The following MTMR3 variants were observed in gnomAD, a reference collection of about 807,000 sequenced individuals.
MTMR3 encodes myotubularin related protein 3, also known as phosphatidylinositol-3,5-bisphosphate 3-phosphatase MTMR3.
MTMR3 carries 32 observed loss-of-function variants against 132.4 expected under a neutral mutation model. That is an observed-to-expected ratio of 0.24 (90% CI 0.18 to 0.32). The LOEUF is 0.32. Among genes scored for constraint, MTMR3 ranks in the 10% least tolerant of loss-of-function variants. The probability of loss-of-function intolerance (pLI) is 1.00; values close to 1 mark genes in which losing one functional copy is unlikely to be tolerated. For synonymous variants in MTMR3, 556 were observed against 550.3 expected, an observed-to-expected ratio of 1.01 and a Z score of -0.14; for missense variants, 1,216 against 1,489.6, an observed-to-expected ratio of 0.82 and a Z score of 3.02.
intron 1 of MTMR3, among the ~76,000 whole-genome samples, chr22:29,923,837 A>G (rs1247325031): frequency 2.0e-5 from 3 of 152,160 alleles, no homozygotes; most frequent in African/African-American, 7.2e-5. Context: ...TAGGGTTTCA[A>G]CATTTCAATT....
rs375748596 is a variant in MTMR3 at position 30,022,731 on chromosome 22, G to T, written c.3425+34G>T. On this transcript the variant is annotated intron_variant, in intron 19 of 19. Coordinates refer to ENST00000401950, the MANE Select transcript of MTMR3 (RefSeq NM_021090.4). ...GAGGGGCTGTGGTAGGGTGGGCTGT[G>T]TGTGGAGGTTGAGGGTCGGCCCACA... 415 of 1,577,718 alleles carry T rather than the reference G, an allele frequency of 2.6e-4. 1 individual carries two copies. Among genetic ancestry groups the T allele is most frequent in the Non-Finnish European group, 1.2e-4 (142 of 1,160,450 alleles).
At chr22:29,947,539 CTGAGT>C (rs1661687637) in intron 1 of MTMR3, among the ~76,000 whole-genome samples, 1 of 149,170 alleles carries the variant, frequency 6.7e-6, no homozygotes, top group South Asian at 2.1e-4. Flanking sequence ...TCCCAGTTTT[CTGAGT>C]TAAGTAAAAT....
chr22:29,948,075 A>C (rs2065985364), intron 1 of MTMR3, among the ~76,000 whole-genome samples: 1 of 152,192 alleles, frequency 6.6e-6, no homozygotes, highest in Non-Finnish European at 1.5e-5. Flanking sequence ...AATTTTAACT[A>C]GGCCAGTAGA....
chr22:29,902,707 T>G (rs1483495185), intron 1 of MTMR3, among the ~76,000 whole-genome samples: 1 of 152,080 alleles, frequency 6.6e-6, no homozygotes, highest in East Asian at 1.9e-4. Flanking sequence ...TGGGAAAAAT[T>G]TTAGCACTAC....
Position 30,028,190 on chromosome 22 carries a change from T to G in MTMR3, c.*2389T>G, listed in dbSNP as rs1256130657. ...TACCTCTCGCCTCAAGGCTCCATTTTTAGCTGCTGCTCTGATTTCAGGGCA... is the reference window on the plus strand; with the variant it reads ...TACCTCTCGCCTCAAGGCTCCATTTGTAGCTGCTGCTCTGATTTCAGGGCA... On this transcript the variant is annotated 3_prime_UTR_variant, in exon 20 of 20. Transcript: ENST00000401950. 1 of 152,404 alleles carries G rather than the reference T, an allele frequency of 6.6e-6. No individual in the cohort carries two copies. Among genetic ancestry groups the G allele is most frequent in the Non-Finnish European group, 1.5e-5 (1 of 68,050 alleles). The allele number at this position is 152,404 out of a possible 1,614,324, so 9.4% of individuals were successfully genotyped here. A position where few individuals can be genotyped will look rare whatever the true frequency, so the allele number is the denominator to read the frequency against.
intron 1 of MTMR3, among the ~76,000 whole-genome samples, chr22:29,895,256 A>G (rs903608052): frequency 5.3e-5 from 8 of 152,184 alleles, no homozygotes; most frequent in Admixed American, 3.9e-4. Flanking sequence ...AGGTACTGTT[A>G]GGTGGGTGCA....
intron 1 of MTMR3, among the ~76,000 whole-genome samples, chr22:29,909,598 G>A (rs1341157858): frequency 6.6e-6 from 1 of 152,124 alleles, no homozygotes; most frequent in African/African-American, 2.4e-5. Context: ...AAATGGTGAA[G>A]CACTTAAAAG....
In MTMR3 at chr22:30,019,791, G is replaced by A; in HGVS notation, c.2132G>A (p.Gly711Asp). ...GTAGAGGAACCTGCCCACAGGGCAG[G>A]CATTGAGATACAGGAGGGTAAAGAG... ...SGVEEPAHRAGIEIQEGKEDP... is the reference protein window; with the variant it reads ...SGVEEPAHRADIEIQEGKEDP... The change falls in exon 17 of 20, where the codon GGC (glycine) becomes GAC (aspartate). Residue 711 changes from glycine (G) to aspartate (D), a missense_variant. By Grantham distance (94) the Gly-to-Asp change is moderately conservative. This residue lies in a region of MTMR3 where 852 missense variants were observed against 852.0 expected (regional missense o/e 1.00). Transcript: ENST00000401950. The A allele has an allele frequency of 6.2e-7, 1 of 1,614,228 alleles. No homozygotes were observed.
At chr22:29,997,594 A>G (rs939545094) in intron 7 of MTMR3, 3 of 152,228 alleles carry the variant, frequency 2.0e-5, no homozygotes, top group African/African-American at 7.2e-5. Context: ...AAGGAAGATA[A>G]AGCCAGATTC....
intron 1 of MTMR3, among the ~76,000 whole-genome samples, chr22:29,915,731 T>C (rs1325313734): frequency 6.6e-6 from 1 of 152,198 alleles, no homozygotes; most frequent in African/African-American, 2.4e-5. Flanking sequence ...GCTGACAGTC[T>C]CCTTTTAATT....
chr22:29,940,747 T>A (rs1937143063), intron 1 of MTMR3, among the ~76,000 whole-genome samples: 1 of 150,100 alleles, frequency 6.7e-6, no homozygotes, highest in South Asian at 2.1e-4. Flanking sequence ...GTAAAGCACA[T>A]GCCCTTGATC....
chr22:29,897,332 C>G (rs1413671651), intron 1 of MTMR3, among the ~76,000 whole-genome samples: 1 of 152,066 alleles, frequency 6.6e-6, no homozygotes, highest in African/African-American at 2.4e-5. Context: ...GCCTTGGCCT[C>G]CCAAAGTGCT....
chr22:29,904,478 T>G (rs2065058270), intron 1 of MTMR3, among the ~76,000 whole-genome samples: 1 of 152,234 alleles, frequency 6.6e-6, no homozygotes, highest in Non-Finnish European at 1.5e-5. Flanking sequence ...ACCACTTACC[T>G]GTCTGTGATC....
intron 1 of MTMR3, among the ~76,000 whole-genome samples, chr22:29,950,489 G>A (rs2066054318): frequency 6.6e-6 from 1 of 151,924 alleles, no homozygotes. Flanking sequence ...TCAGCCTCCT[G>A]AGTAGCTGGG....
At chr22:29,952,187 C>T (rs1045117342) in intron 1 of MTMR3, among the ~76,000 whole-genome samples, 1 of 152,094 alleles carries the variant, frequency 6.6e-6, no homozygotes, top group African/African-American at 2.4e-5. Flanking sequence ...ACTTGGAGTT[C>T]AGCTTGGATT....
intron 2 of MTMR3, among the ~76,000 whole-genome samples, chr22:29,963,155 C>T (rs1336072898): frequency 4.6e-5 from 7 of 152,040 alleles, no homozygotes; most frequent in South Asian, 4.2e-4. Context: ...CCATGTTGCC[C>T]GGGCTGGTCC....
At chr22:29,923,225 T>A (rs936706799) in intron 1 of MTMR3, among the ~76,000 whole-genome samples, 3 of 151,450 alleles carry the variant, frequency 2.0e-5, no homozygotes, top group African/African-American at 7.2e-5. Flanking sequence ...GTAGTTTTTT[T>A]TTTTATTTTT....
chr22:29,971,925 G>T (rs749169774), intron 3 of MTMR3, among the ~76,000 whole-genome samples: 20 of 152,152 alleles, frequency 1.3e-4, no homozygotes, highest in Non-Finnish European at 2.6e-4. Context: ...GCACAGAGAA[G>T]GAATTGAAAA....
intron 1 of MTMR3, among the ~76,000 whole-genome samples, chr22:29,950,178 G>C (rs888340432): frequency 1.3e-5 from 2 of 152,136 alleles, no homozygotes; most frequent in Non-Finnish European, 2.9e-5. Flanking sequence ...AAATATTGAA[G>C]TACCTCTGGC....
Sources: allele counts gnomAD v4.1 joint callset (sites outside exome capture counted in the v4.1 genomes callset), GRCh38; gene constraint gnomAD v4.1.1; regional missense constraint gnomAD v4.1.1; transcripts MANE v1.5; gene names NCBI Gene and HGNC (gene_info 2026-07-23, HGNC 2026-07-21).